The following RALGAPA2 variants were observed in gnomAD, a reference collection of about 807,000 sequenced individuals.
RALGAPA2 encodes ral GTPase-activating protein subunit alpha-2.
A neutral mutation model predicts 230.4 loss-of-function variants in RALGAPA2; 139 were observed. The observed-to-expected ratio is 0.60, with a 90% CI of 0.53 to 0.69. RALGAPA2 has a LOEUF of 0.69. RALGAPA2 is among the 30% of genes least tolerant of loss of function. The probability of loss-of-function intolerance (pLI) is 0.00; values close to 1 mark genes in which losing one functional copy is unlikely to be tolerated. For synonymous variants in RALGAPA2, 847 were observed against 837.8 expected (o/e 1.01, Z -0.19); for missense variants, 2,163 against 2,276.0 (o/e 0.95, Z 1.01).
At chr20:20,524,658 A>G (rs1440572400) in intron 29 of RALGAPA2, 115 bp from the exon 30 acceptor site, 1 of 1,367,400 alleles carries the variant, frequency 7.3e-7, no homozygotes, top group Non-Finnish European at 1.0e-6. Context: ...GGTGCTAGAT[A>G]AGTAGGTAAG....
At chr20:20,509,105 A>C (rs139112328) in intron 33 of RALGAPA2, among the ~76,000 whole-genome samples, 2 of 152,338 alleles carry the variant, frequency 1.3e-5, no homozygotes, top group African/African-American at 4.8e-5. Context: ...ATGACTGCTT[A>C]TTTAATACTG....
intron 16 of RALGAPA2, among the ~76,000 whole-genome samples, chr20:20,597,359 A>G (rs1184039643): frequency 6.6e-6 from 1 of 152,186 alleles, no homozygotes; most frequent in Non-Finnish European, 1.5e-5. Context: ...CCCATGTACC[A>G]TTCTTACTGT....
At chr20:20,573,119 A>G (rs2064703917) in intron 20 of RALGAPA2, 51 bp from the exon 21 acceptor site, 5 of 1,389,134 alleles carry the variant, frequency 3.6e-6, no homozygotes. Context: ...TGATTTCATC[A>G]TACCTTTTTT....
At chr20:20,530,433 A>G (rs968908610) in intron 27 of RALGAPA2, among the ~76,000 whole-genome samples, 1 of 152,038 alleles carries the variant, frequency 6.6e-6, no homozygotes, top group Non-Finnish European at 1.5e-5. Context: ...GTTGTGGAGG[A>G]GAAATAGGGG....
At chr20:20,699,947 A>G (rs1447720945) in intron 1 of RALGAPA2, among the ~76,000 whole-genome samples, 1 of 152,202 alleles carries the variant, frequency 6.6e-6, no homozygotes, top group Non-Finnish European at 1.5e-5. Context: ...CAGCAATTCC[A>G]TTACTGGGTA....
At chr20:20,592,637 A>G (rs1025358877) in intron 16 of RALGAPA2, among the ~76,000 whole-genome samples, 1 of 152,236 alleles carries the variant, frequency 6.6e-6, no homozygotes, top group African/African-American at 2.4e-5. Flanking sequence ...AGGATAATCA[A>G]AACTCAGCCT....
intron 37 of RALGAPA2, among the ~76,000 whole-genome samples, chr20:20,438,896 A>C (rs1197514335): frequency 6.6e-6 from 1 of 152,238 alleles, no homozygotes; most frequent in Non-Finnish European, 1.5e-5. Flanking sequence ...AAAAGGCGTA[A>C]AATTGTGTTG....
chr20:20,552,909 G>A (rs1033279978), intron 23 of RALGAPA2, among the ~76,000 whole-genome samples: 11 of 151,860 alleles, frequency 7.2e-5, no homozygotes, highest in Non-Finnish European at 1.3e-4. Flanking sequence ...GGCTTCTGAT[G>A]ATTAAAAAAT....
At chr20:20,569,055 T>C (rs1449011426) in intron 23 of RALGAPA2, among the ~76,000 whole-genome samples, 1 of 152,218 alleles carries the variant, frequency 6.6e-6, no homozygotes, top group Non-Finnish European at 1.5e-5. Flanking sequence ...TGAATTTAAC[T>C]GTATTCTCTA....
chr20:20,428,094 G>A (rs984245838), intron 37 of RALGAPA2, among the ~76,000 whole-genome samples: 1 of 152,100 alleles, frequency 6.6e-6, no homozygotes, highest in Non-Finnish European at 1.5e-5. Context: ...AACTTTTTAT[G>A]TCTTTATATT....
intron 36 of RALGAPA2, among the ~76,000 whole-genome samples, chr20:20,488,337 G>A (rs1309116819): frequency 6.6e-6 from 1 of 152,178 alleles, no homozygotes; most frequent in Middle Eastern, 3.2e-3. Flanking sequence ...GTGGAGGATT[G>A]TCAGCCAGCC....
At chr20:20,497,381 T>C (rs922877335) in intron 35 of RALGAPA2, among the ~76,000 whole-genome samples, 1 of 152,182 alleles carries the variant, frequency 6.6e-6, no homozygotes, top group African/African-American at 2.4e-5. Context: ...AATTGAGACC[T>C]GCAGAAAGTA....
At chr20:20,540,925 CTG>C (rs1414832326) in intron 24 of RALGAPA2, among the ~76,000 whole-genome samples, 1 of 151,718 alleles carries the variant, frequency 6.6e-6, no homozygotes, top group East Asian at 1.9e-4. Flanking sequence ...CTAGTTTTTT[CTG>C]TCAGAGGCCT....
chr20:20,590,855 GC>G (rs1433914139), intron 17 of RALGAPA2, among the ~76,000 whole-genome samples: 2 of 151,866 alleles, frequency 1.3e-5, no homozygotes, highest in Non-Finnish European at 1.5e-5. Context: ...CTAACTTGAT[GC>G]CCTACTTGAC....
intron 36 of RALGAPA2, among the ~76,000 whole-genome samples, chr20:20,473,604 C>CCTGAGTAG (rs2061586172): frequency 6.6e-6 from 1 of 152,192 alleles, no homozygotes; most frequent in South Asian, 2.1e-4. Flanking sequence ...ACCTCAGTCT[C>CCTGAGTAG]CTGAGTAGCT....
At chr20:20,423,068 G>T (rs536928577) in intron 37 of RALGAPA2, among the ~76,000 whole-genome samples, 3 of 152,152 alleles carry the variant, frequency 2.0e-5, no homozygotes, top group South Asian at 4.1e-4. Flanking sequence ...GGGAGGAAGC[G>T]GCACAATGCA....
chr20:20,458,644 A>G (rs2061197388), intron 37 of RALGAPA2, among the ~76,000 whole-genome samples: 1 of 137,224 alleles, frequency 7.3e-6, no homozygotes. Context: ...GAGAGGGAGC[A>G]AGGGGCTGGC....
chr20:20,616,262 T>C (rs969192196), intron 12 of RALGAPA2, 71 bp from the exon 13 acceptor site: 7 of 1,160,926 alleles, frequency 6.0e-6, no homozygotes, highest in African/African-American at 4.7e-5. Flanking sequence ...TGCTTACAGA[T>C]ATTAATTTCA....
chr20:20,462,315 G>A (rs1001320154), intron 37 of RALGAPA2, among the ~76,000 whole-genome samples: 6 of 152,156 alleles, frequency 3.9e-5, no homozygotes, highest in African/African-American at 1.4e-4. Flanking sequence ...GAAAGCAGCT[G>A]TGCACTTCTC....
Sources: gnomAD v4.1 joint callset for allele counts (sites outside exome capture counted in the v4.1 genomes callset) on GRCh38, gnomAD v4.1.1 for gene constraint, MANE v1.5 for transcripts, NCBI Gene and HGNC (gene_info 2026-07-23, HGNC 2026-07-21) for gene names.